ZBTB16: variants seen among roughly 807,000 people sequenced by gnomAD.
The protein encoded by ZBTB16 is zinc finger and BTB domain containing 16.
Under a neutral mutation model 56.8 loss-of-function variants are expected in ZBTB16, and 8 were observed. The observed-to-expected ratio is 0.14, with a 90% confidence interval of 0.08 to 0.25. The LOEUF (loss-of-function observed/expected upper bound fraction) is 0.25, where lower values mean the gene tolerates loss of function less well. ZBTB16 is among the 10% of genes least tolerant of loss of function. The pLI is 1.00. For synonymous variants in ZBTB16, 363 were observed against 368.5 expected (o/e 0.98, Z 0.17); for missense variants, 625 against 903.0 (o/e 0.69, Z 3.95).
chr11:114,073,832 C>T (rs1253207653), intron 2 of ZBTB16, among the ~76,000 whole-genome samples: 1 of 152,102 alleles, frequency 6.6e-6, no homozygotes, highest in African/African-American at 2.4e-5. Flanking sequence ...CCATTCGGTT[C>T]CCCCAGAAAT....
At position 114,098,671 on chromosome 11, in the gene ZBTB16, G is replaced by A. The variant is rs113942671; in HGVS notation, c.1268+34103G>A. Among the ~76,000 whole-genome samples the A allele has an allele frequency of 6.7e-3, 1,023 of 152,230 alleles. 9 individuals are homozygous for A. Among genetic ancestry groups the A allele is most frequent in the African/African-American group, 0.023 (943 of 41,518 alleles). On this transcript the variant is annotated intron_variant, in intron 2 of 6. Transcript: ENST00000335953. ...GAGTCAGGTGGGCCAAGAAGCAAGG[G>A]AAGAGTCCAATATAACATACTTAAT... is the stretch of plus-strand genomic sequence containing the variant.
At chr11:114,070,102 T>G (rs1367543128) in intron 2 of ZBTB16, among the ~76,000 whole-genome samples, 3 of 136,442 alleles carry the variant, frequency 2.2e-5, no homozygotes, top group Admixed American at 1.5e-4. Flanking sequence ...TTCTTTTTTT[T>G]TTTTTTTTTT....
At chr11:114,167,898 C>T (rs1000381205) in intron 3 of ZBTB16, among the ~76,000 whole-genome samples, 3 of 152,164 alleles carry the variant, frequency 2.0e-5, no homozygotes, top group South Asian at 2.1e-4. Context: ...GCCTGGTGCC[C>T]GACCGGCGAG....
chr11:114,253,926 C>T lies in ZBTB16; in HGVS notation c.*3371C>T, dbSNP rs977271993. Among the ~76,000 whole-genome samples, 2 of 152,136 alleles carry T rather than the reference C, an allele frequency of 1.3e-5. No homozygotes were observed. Among genetic ancestry groups the T allele is most frequent in the African/African-American group, 2.4e-5 (1 of 41,426 alleles). ...TCATGCCACCTGACTCCTTCGGCCCCCTGGCTGCCTTTAGCTGTGGTACTG... is the reference window on the plus strand; with the variant it reads ...TCATGCCACCTGACTCCTTCGGCCCTCTGGCTGCCTTTAGCTGTGGTACTG... On this transcript the variant is annotated 3_prime_UTR_variant, in exon 7 of 7. Coordinates refer to ENST00000335953, the MANE Select transcript of ZBTB16 (RefSeq NM_006006.6).
In ZBTB16 at chr11:114,143,712, C is replaced by T. The variant is rs1425929112; in HGVS notation, c.1269-12625C>T. ...CTCTCTTCTCCTCCATGCCATGGAC[C>T]GTCGCTGCATCATCTAAGCACAGGG... On this transcript the variant is annotated intron_variant, in intron 2 of 6. Coordinates refer to ENST00000335953, the MANE Select transcript of ZBTB16 (RefSeq NM_006006.6). The surrounding 1 kb of genome is among the most constrained non-coding windows in gnomAD (Gnocchi z 6.4). Among the ~76,000 whole-genome samples the T allele has an allele frequency of 2.6e-5, 4 of 152,164 alleles. No individual in the cohort carries two copies. The highest frequency in any genetic ancestry group is 1.3e-4 in the Admixed American group (2 of 15,282).
chr11:114,165,260 C>T (rs1282183249), intron 3 of ZBTB16, among the ~76,000 whole-genome samples: 1 of 152,232 alleles, frequency 6.6e-6, no homozygotes, highest in African/African-American at 2.4e-5. Context: ...TTGTCCCTTG[C>T]CTCTCAGGGG....
intron 3 of ZBTB16, among the ~76,000 whole-genome samples, chr11:114,161,822 T>TA (rs71063552): frequency 3.3e-5 from 5 of 151,954 alleles, no homozygotes; most frequent in African/African-American, 1.2e-4. Context: ...GGCTTTTTTT[T>TA]ATGTAGACTA....
At chr11:114,139,508 C>T (rs1378434659) in intron 2 of ZBTB16, among the ~76,000 whole-genome samples, 2 of 152,176 alleles carry the variant, frequency 1.3e-5, no homozygotes, top group East Asian at 3.9e-4. Context: ...TCTGCTCCCC[C>T]ACTGCTCAGA....
chr11:114,192,945 TC>T (rs1043061936), intron 4 of ZBTB16, among the ~76,000 whole-genome samples: 2 of 152,010 alleles, frequency 1.3e-5, no homozygotes, highest in African/African-American at 4.8e-5. Context: ...GTAAGCTGAG[TC>T]CCCGAGGGAT....
At chr11:114,121,817 G>C (rs1346011456) in intron 2 of ZBTB16, 2 of 455,764 alleles carry the variant, frequency 4.4e-6, no homozygotes, top group Non-Finnish European at 8.8e-6. Flanking sequence ...TCTCAATGCA[G>C]GGTCTTCTAG....
At chr11:114,161,450 A>G (rs1014419848) in intron 3 of ZBTB16, among the ~76,000 whole-genome samples, 2 of 152,196 alleles carry the variant, frequency 1.3e-5, no homozygotes, top group Non-Finnish European at 2.9e-5. Flanking sequence ...TTAAGTCTAG[A>G]GTGGGAGATG....
At chr11:114,158,829 A>G (rs1331166081) in intron 3 of ZBTB16, among the ~76,000 whole-genome samples, 3 of 152,248 alleles carry the variant, frequency 2.0e-5, no homozygotes, top group African/African-American at 7.2e-5. Flanking sequence ...TGCCTGGCAC[A>G]TTATTGGTGC....
chr11:114,154,953 C>G (rs1458306268), intron 2 of ZBTB16, among the ~76,000 whole-genome samples: 1 of 152,126 alleles, frequency 6.6e-6, no homozygotes, highest in Non-Finnish European at 1.5e-5. Context: ...CTGGGTCCAC[C>G]ACATGGTCTT....
At position 114,235,634 on chromosome 11, in the gene ZBTB16, CTTT is replaced by C. The variant is rs1565701491; in HGVS notation, c.1454-6532_1454-6530del. On this transcript the variant is annotated intron_variant, in intron 4 of 6. Coordinates refer to ENST00000335953, the MANE Select transcript of ZBTB16 (RefSeq NM_006006.6). ...TCTTTCTTTCCCTCTCCCTTCCTTT[CTTT>C]CTTTCTTTCTTTCTTTCTTTCTTTC... 7.6e-3 allele frequency among the ~76,000 whole-genome samples: 155 copies of C among 20,490 alleles called. 1 individual carries two copies. The South Asian group carries it at 0.089, about 12-fold the overall frequency. 13.4% of individuals were successfully genotyped at this position (20,490 alleles called of 152,430 possible).
intron 3 of ZBTB16, among the ~76,000 whole-genome samples, chr11:114,158,739 T>C (rs1006622564): frequency 6.6e-6 from 1 of 152,248 alleles, no homozygotes; most frequent in African/African-American, 2.4e-5. Flanking sequence ...TCGGAGAAGC[T>C]GTGAGGCTCA....
chr11:114,227,099 G>C (rs542161813), intron 4 of ZBTB16, among the ~76,000 whole-genome samples: 1 of 152,338 alleles, frequency 6.6e-6, no homozygotes, highest in East Asian at 1.9e-4. Flanking sequence ...TGGCAGGGAA[G>C]GTGGCCTGGT....
chr11:114,086,475 G>A (rs2846630), intron 2 of ZBTB16, among the ~76,000 whole-genome samples: 53,804 of 151,880 alleles, frequency 0.35, 10,499 homozygotes, highest in East Asian at 0.48. Flanking sequence ...CTGCTGCCTC[G>A]TTTGAGTTTA....
At chr11:114,159,940 G>GGGT (rs1555145935) in intron 3 of ZBTB16, among the ~76,000 whole-genome samples, 2 of 148,164 alleles carry the variant, frequency 1.3e-5, no homozygotes, top group East Asian at 2.0e-4. Context: ...GGGGAGGCGG[G>GGGT]GGGGAGGCGA....
chr11:114,158,728 C>G (rs1246574387), intron 3 of ZBTB16, among the ~76,000 whole-genome samples: 3 of 152,194 alleles, frequency 2.0e-5, no homozygotes, highest in Non-Finnish European at 2.9e-5. Context: ...TTAACGCTAT[C>G]TCGGAGAAGC....
Sources: gnomAD v4.1 joint callset for allele counts (sites outside exome capture counted in the v4.1 genomes callset) on GRCh38, gnomAD v4.1.1 for gene constraint, Gnocchi (gnomAD v3.1) non-coding constraint, MANE v1.5 for transcripts, NCBI Gene and HGNC (gene_info 2026-07-23, HGNC 2026-07-21) for gene names.